DSTYK: variants seen among roughly 807,000 people sequenced by gnomAD.
DSTYK encodes the protein RIP-homologous kinase.
Under a neutral mutation model 98.7 loss-of-function variants are expected in DSTYK, and 34 were observed. That is an observed-to-expected ratio of 0.34 (90% CI 0.26 to 0.46). The LOEUF is 0.46. Among genes scored for constraint, DSTYK ranks in the 20% least tolerant of loss-of-function variants. The pLI, the probability that DSTYK is intolerant of heterozygous loss-of-function variation, is 1.00. For synonymous variants in DSTYK, 462 were observed against 457.3 expected (o/e 1.01, Z -0.13); for missense variants, 962 against 1,181.7 (o/e 0.81, Z 2.73).
intron 10 of DSTYK, among the ~76,000 whole-genome samples, chr1:205,156,725 A>G (rs942616576): frequency 6.6e-6 from 1 of 152,150 alleles, no homozygotes; most frequent in African/African-American, 2.4e-5. Flanking sequence ...ACTTTGGGGA[A>G]CTGTTGGGAA....
intron 1 of DSTYK, chr1:205,202,081 A>AAAGGGAGAAGGGG (rs1659056266): frequency 2.6e-6 from 1 of 378,646 alleles, no homozygotes; most frequent in African/African-American, 2.2e-5. Context: ...GGGAGAGGGG[A>AAAGGGAGAAGGGG]AAGGGAGAAG....
rs762930407 is a variant in DSTYK, at chr1:205,187,721, G to A, written c.351C>T (p.Leu117=). 4.3e-6 allele frequency: 7 copies of A among 1,614,050 alleles called. No homozygotes were observed. Among genetic ancestry groups the A allele is most frequent in the Admixed American group, 1.7e-5 (1 of 59,986 alleles). ...IVDCLPCILI[L]GQDCNVKCQL... ...GGCACTTGACGTTACAATCCTGGCC[G>A]AGGATCAGTATGCAAGGGAGGCAGT... is the stretch of plus-strand genomic sequence containing the variant. Residue 117 remains leucine, a synonymous_variant, in exon 2 of 13, where the codon CTC becomes CTT. Transcript: ENST00000367162.
At chr1:205,210,333 T>G (rs936306900) in intron 1 of DSTYK, among the ~76,000 whole-genome samples, 5 of 152,166 alleles carry the variant, frequency 3.3e-5, no homozygotes, top group African/African-American at 1.2e-4. Context: ...TAATACACAC[T>G]TTAGTTTGAG....
At chr1:205,200,339 A>AT (rs1316023048) in intron 1 of DSTYK, among the ~76,000 whole-genome samples, 2 of 107,826 alleles carry the variant, frequency 1.9e-5, no homozygotes, top group African/African-American at 5.1e-5. Flanking sequence ...CACCCAGCCA[A>AT]TTTTTTGTAT....
intron 3 of DSTYK, among the ~76,000 whole-genome samples, chr1:205,164,994 G>A (rs1042142482): frequency 1.3e-5 from 2 of 152,164 alleles, no homozygotes; most frequent in African/African-American, 2.4e-5. Flanking sequence ...TTTGAACCCA[G>A]TGCTCATTAT....
At chr1:205,166,640 C>T (rs766453559) in intron 3 of DSTYK, among the ~76,000 whole-genome samples, 1 of 152,124 alleles carries the variant, frequency 6.6e-6, no homozygotes, top group Non-Finnish European at 1.5e-5. Flanking sequence ...AATATGATGC[C>T]GGCAGTGATG....
intron 1 of DSTYK, among the ~76,000 whole-genome samples, chr1:205,210,547 T>G (rs912404741): frequency 2.0e-5 from 3 of 152,190 alleles, no homozygotes; most frequent in African/African-American, 4.8e-5. Context: ...CGATTTTAAG[T>G]GTTTGGGGGC....
At chr1:205,196,183 A>G (rs1658860216) in intron 1 of DSTYK, among the ~76,000 whole-genome samples, 1 of 152,244 alleles carries the variant, frequency 6.6e-6, no homozygotes, top group African/African-American at 2.4e-5. Context: ...GTCTACACTG[A>G]TTAAATAAAC....
In DSTYK at chr1:205,204,256, AG is replaced by A. The variant is rs76036319; in HGVS notation, c.265+7014del. Among the ~76,000 whole-genome samples the A allele has an allele frequency of 5.9e-5, 9 of 152,276 alleles. No individual in the cohort carries two copies. The East Asian group carries it at 1.5e-3, about 26-fold the overall frequency. On this transcript the variant is annotated intron_variant, in intron 1 of 12. Coordinates refer to ENST00000367162, the MANE Select transcript of DSTYK (RefSeq NM_015375.3). The stretch of plus-strand genomic sequence containing the variant: ...TCTGTAACAGAGTCTCTTTACTGCC[AG>A]GGTGTATTTTGTATTCCCATGGTCA...
rs768593687 is a variant in DSTYK at position 205,162,963 on chromosome 1, C to A, written c.1601G>T (p.Gly534Val). Residue 534 changes from glycine (G) to valine (V), a missense_variant, in exon 5 of 13, where the codon GGG (glycine) becomes GTG (valine). By Grantham distance (109) the Gly-to-Val change is moderately radical. Coordinates refer to ENST00000367162, the MANE Select transcript of DSTYK (RefSeq NM_015375.3). ...CCATAGCATCCTTGTAACTGACGACCCTGAGTGAAACGTGACTTCAACATG... is the reference window on the plus strand; with the variant it reads ...CCATAGCATCCTTGTAACTGACGACACTGAGTGAAACGTGACTTCAACATG... Reference protein sequence around the residue: ...AYHVEVTFHSGSSVTRMLWEQ... With the variant: ...AYHVEVTFHSVSSVTRMLWEQ... 2 of 1,614,064 alleles carry A rather than the reference C, an allele frequency of 1.2e-6. No individual in the cohort carries two copies. Among genetic ancestry groups the A allele is most frequent in the Non-Finnish European group, 1.7e-6 (2 of 1,179,984 alleles).
chr1:205,160,767 T>C (rs192972991), intron 7 of DSTYK, among the ~76,000 whole-genome samples: 2 of 150,306 alleles, frequency 1.3e-5, no homozygotes, highest in East Asian at 4.1e-4. Context: ...ACTGTGGTTA[T>C]GTGGTTTTTT....
chr1:205,188,500 G>T (rs139013599), intron 1 of DSTYK, among the ~76,000 whole-genome samples: 1 of 152,106 alleles, frequency 6.6e-6, no homozygotes, highest in Non-Finnish European at 1.5e-5. Flanking sequence ...ACAGTGGTAA[G>T]TATTTGTGTA....
intron 3 of DSTYK, among the ~76,000 whole-genome samples, chr1:205,164,180 C>G (rs1379588607): frequency 6.6e-6 from 1 of 152,132 alleles, no homozygotes; most frequent in Non-Finnish European, 1.5e-5. Flanking sequence ...AGTCCAGGTG[C>G]AGTGATTCAC....
At chr1:205,179,084 T>C (rs1658317308) in intron 2 of DSTYK, among the ~76,000 whole-genome samples, 1 of 151,730 alleles carries the variant, frequency 6.6e-6, no homozygotes, top group African/African-American at 2.4e-5. Context: ...AGCCAAGATC[T>C]TGCTACTGCA....
At chr1:205,164,026 C>T in intron 3 of DSTYK, 71 bp from the exon 4 acceptor site, 1 of 1,311,312 alleles carries the variant, frequency 7.6e-7, no homozygotes, top group South Asian at 1.2e-5. Flanking sequence ...AAAGTCATCT[C>T]CCAAATCAGA....
chr1:205,206,715 T>C (rs1470137044), intron 1 of DSTYK, among the ~76,000 whole-genome samples: 1 of 151,588 alleles, frequency 6.6e-6, no homozygotes, highest in Non-Finnish European at 1.5e-5. Flanking sequence ...CCTGAGTAGC[T>C]GGCATACAGG....
Position 205,169,353 on chromosome 1 carries a change from A to G in DSTYK, c.1134T>C (p.Phe378=). 6.2e-7 allele frequency: 1 copy of G among 1,614,192 alleles called. No homozygotes were observed. Among genetic ancestry groups the G allele is most frequent in the South Asian group, 1.1e-5 (1 of 91,076 alleles). ...HCLDIFINQA[F]DMQRDLQITP... Reference sequence around the variant, plus strand: ...TGATCTGCAGGTCCCGCTGCATGTCAAATGCCTGGTTAATAAAGATGTCAA... The same window carrying G: ...TGATCTGCAGGTCCCGCTGCATGTCGAATGCCTGGTTAATAAAGATGTCAA... Residue 378 remains phenylalanine (F), a synonymous_variant, in exon 3 of 13, where the codon TTT becomes TTC. Coordinates refer to ENST00000367162, the MANE Select transcript of DSTYK (RefSeq NM_015375.3). The surrounding 1 kb of genome is among the most constrained non-coding windows in gnomAD (Gnocchi z 4.0).
Position 205,145,526 on chromosome 1 carries a change from T to TTA in DSTYK, c.*2031_*2032insTA, listed in dbSNP as rs1036807889. On this transcript the variant is annotated 3_prime_UTR_variant, in exon 13 of 13. Transcript: ENST00000367162. Reference sequence around the variant, plus strand: ...ATGTGCGACTCATCTTTGTTTTTTGTTTTTTTTTTTGTTTTTTTTTGAGAT... The same window carrying TTA: ...ATGTGCGACTCATCTTTGTTTTTTGTTATTTTTTTTTTGTTTTTTTTTGAGAT... 9.2e-5 allele frequency: 2 copies of TTA among 21,640 alleles called. No homozygotes were observed. The highest frequency in any genetic ancestry group is 3.9e-4 in the Non-Finnish European group (2 of 5,112). 1.3% of individuals were successfully genotyped at this position (21,640 alleles called of 1,614,324 possible). A position where few individuals can be genotyped will look rare whatever the true frequency, so the allele number is the denominator to read the frequency against.
intron 6 of DSTYK, 72 bp from the exon 7 acceptor site, chr1:205,161,459 A>G (rs540072909): frequency 1.4e-6 from 2 of 1,453,166 alleles, no homozygotes; most frequent in South Asian, 1.2e-5. Flanking sequence ...TTATACAGGG[A>G]TAATAATATC....
Sources: gnomAD v4.1 joint callset for allele counts (sites outside exome capture counted in the v4.1 genomes callset) on GRCh38, gnomAD v4.1.1 for gene constraint, Gnocchi (gnomAD v3.1) non-coding constraint, MANE v1.5 for transcripts, NCBI Gene and HGNC (gene_info 2026-07-23, HGNC 2026-07-21) for gene names.